The following PROS1 variants were observed in gnomAD, a reference collection of about 807,000 sequenced individuals.
The protein encoded by PROS1 is protein S.
In PROS1, 29 loss-of-function variants were observed where a neutral mutation model predicts 75.9. That is an observed-to-expected ratio of 0.38 (90% CI 0.28 to 0.52). The LOEUF is 0.52. Ranked by LOEUF, PROS1 falls within the 20% of genes least tolerant of loss-of-function variation. The pLI is 0.83. For synonymous variants in PROS1, 245 were observed against 280.6 expected, an observed-to-expected ratio of 0.87 and a Z score of 1.27; for missense variants, 680 against 810.3, an observed-to-expected ratio of 0.84 and a Z score of 1.95.
intron 2 of PROS1, among the ~76,000 whole-genome samples, chr3:93,925,579 T>A (rs1392862793): frequency 6.6e-6 from 1 of 152,100 alleles, no homozygotes; most frequent in Non-Finnish European, 1.5e-5. Flanking sequence ...TGGTCACACG[T>A]GTAATCCTAG....
intron 1 of PROS1, among the ~76,000 whole-genome samples, chr3:93,959,177 T>C (rs1035054304): frequency 6.6e-6 from 1 of 152,068 alleles, no homozygotes; most frequent in African/African-American, 2.4e-5. Flanking sequence ...TAGCTGGGCA[T>C]GGTAGCTCAA....
chr3:93,950,205 C>T (rs377333262), intron 1 of PROS1, among the ~76,000 whole-genome samples: 1 of 152,118 alleles, frequency 6.6e-6, no homozygotes, highest in Non-Finnish European at 1.5e-5. Context: ...TGGGTGGAGC[C>T]CATGGCAGAT....
intron 1 of PROS1, among the ~76,000 whole-genome samples, chr3:93,939,090 A>G (rs1393579291): frequency 6.6e-6 from 1 of 152,058 alleles, no homozygotes; most frequent in Non-Finnish European, 1.5e-5. Flanking sequence ...CTCACACCTG[A>G]TCTAAAACCT....
intron 3 of PROS1, among the ~76,000 whole-genome samples, 166 bp downstream of exon 3, chr3:93,924,074 A>G (rs1708982844): frequency 6.6e-6 from 1 of 152,234 alleles, no homozygotes; most frequent in African/African-American, 2.4e-5. Flanking sequence ...AAATTTCTCA[A>G]CATGTGTTAA....
chr3:93,956,187 G>A (rs1709595443), intron 1 of PROS1, among the ~76,000 whole-genome samples: 1 of 151,902 alleles, frequency 6.6e-6, no homozygotes, highest in South Asian at 2.1e-4. Flanking sequence ...ATCTTTTATT[G>A]GTATCTTTCA....
chr3:93,971,857 C>G lies in PROS1; in HGVS notation c.76+1817G>C, dbSNP rs188477984. Among the ~76,000 whole-genome samples, 6 of 152,196 alleles carry G rather than the reference C, an allele frequency of 3.9e-5. No individual in the cohort carries two copies. The East Asian group carries it at 1.2e-3, about 29-fold the overall frequency. On this transcript the variant is annotated intron_variant, in intron 1 of 14. Coordinates refer to ENST00000394236, the MANE Select transcript of PROS1 (RefSeq NM_000313.4). ...ATCAAATCATATGGATTAAAAACATCACATCTATATCCAAATTTCCTCATA... is the reference window on the plus strand; with the variant it reads ...ATCAAATCATATGGATTAAAAACATGACATCTATATCCAAATTTCCTCATA...
intron 1 of PROS1, among the ~76,000 whole-genome samples, chr3:93,956,563 A>ACACACACTCAC (rs57080075): frequency 7.8e-6 from 1 of 128,306 alleles, no homozygotes; most frequent in South Asian, 2.6e-4. Flanking sequence ...CACACACACA[A>ACACACACTCAC]ACACACACAC....
intron 12 of PROS1, among the ~76,000 whole-genome samples, chr3:93,881,787 T>C (rs1349844808): frequency 6.6e-6 from 1 of 152,126 alleles, no homozygotes; most frequent in Non-Finnish European, 1.5e-5. Context: ...CTTGAACTCT[T>C]GGGCTCTAGC....
chr3:93,936,800 T>C (rs549161628), intron 1 of PROS1, among the ~76,000 whole-genome samples: 5 of 152,344 alleles, frequency 3.3e-5, no homozygotes, highest in African/African-American at 1.2e-4. Context: ...GTGATGCTTA[T>C]GGTTAATGAT....
chr3:93,965,703 A>G (rs919200001), intron 1 of PROS1, among the ~76,000 whole-genome samples: 1 of 151,726 alleles, frequency 6.6e-6, no homozygotes, highest in African/African-American at 2.4e-5. Flanking sequence ...TTTCTTTTCT[A>G]TTTTTATTTT....
At chr3:93,914,241 A>G (rs1708805576) in intron 3 of PROS1, among the ~76,000 whole-genome samples, 2 of 152,178 alleles carry the variant, frequency 1.3e-5, no homozygotes, top group Non-Finnish European at 2.9e-5. Flanking sequence ...GGGGCTCACT[A>G]TAGTGGCTCT....
intron 14 of PROS1, among the ~76,000 whole-genome samples, chr3:93,874,798 G>C (rs1274079585): frequency 1.3e-5 from 2 of 151,902 alleles, no homozygotes; most frequent in Non-Finnish European, 2.9e-5. Flanking sequence ...ATAGCTACTT[G>C]GGAATCTCTT....
chr3:93,898,047 C>A (rs1368036857), intron 8 of PROS1, among the ~76,000 whole-genome samples: 1 of 152,016 alleles, frequency 6.6e-6, no homozygotes, highest in East Asian at 1.9e-4. Context: ...AAGGCATGAT[C>A]AAACTAGTCA....
chr3:93,958,087 C>CA (rs911808791), intron 1 of PROS1, among the ~76,000 whole-genome samples: 10 of 151,374 alleles, frequency 6.6e-5, no homozygotes, highest in Middle Eastern at 6.8e-3. Flanking sequence ...GAATCCATCT[C>CA]AAAAAAATAA....
At chr3:93,922,862 C>A (rs1708961951) in intron 3 of PROS1, among the ~76,000 whole-genome samples, 1 of 151,948 alleles carries the variant, frequency 6.6e-6, no homozygotes, top group African/African-American at 2.4e-5. Context: ...TAAAAAAAAT[C>A]ATAATAAAAA....
intron 1 of PROS1, among the ~76,000 whole-genome samples, chr3:93,961,370 T>C (rs1709703434): frequency 6.6e-6 from 1 of 152,182 alleles, no homozygotes; most frequent in African/African-American, 2.4e-5. Flanking sequence ...GCTTTTAAAA[T>C]TGATTTTATA....
intron 1 of PROS1, among the ~76,000 whole-genome samples, chr3:93,929,190 G>T (rs940291760): frequency 1.3e-5 from 2 of 152,108 alleles, no homozygotes; most frequent in African/African-American, 4.8e-5. Flanking sequence ...ATCAAGAGGG[G>T]CACAGGATCA....
Position 93,927,403 on chromosome 3 carries a change from C to A in PROS1, c.81G>T (p.Leu27Phe). 6.2e-7 allele frequency: 1 copy of A among 1,613,922 alleles called. No individual in the cohort carries two copies. Among genetic ancestry groups the A allele is most frequent in the Non-Finnish European group, 8.5e-7 (1 of 1,179,964 alleles). ...LVLPVSEANFLSKQQASQVLV... is the reference protein window; with the variant it reads ...LVLPVSEANFFSKQQASQVLV... ...GGACTTGTGAAGCCTGTTGCTTTGA[C>A]AAAACTGAAGGAAACAATCAGTTTA... Residue 27 changes from leucine (L) to phenylalanine (F), a missense_variant, in exon 2 of 15, where the codon TTG (leucine) becomes TTT (phenylalanine). Physicochemically the swap from Leu to Phe is conservative, Grantham distance 22 (BLOSUM62 0). Transcript: ENST00000394236.
intron 2 of PROS1, among the ~76,000 whole-genome samples, chr3:93,926,173 T>C (rs1187769460): frequency 1.3e-5 from 2 of 151,984 alleles, no homozygotes; most frequent in Admixed American, 6.6e-5. Flanking sequence ...GGGAAAAAAA[T>C]AGGTAAAACA....
Sources: gnomAD v4.1 joint callset for allele counts (sites outside exome capture counted in the v4.1 genomes callset) on GRCh38, gnomAD v4.1.1 for gene constraint, MANE v1.5 for transcripts, NCBI Gene and HGNC (gene_info 2026-07-23, HGNC 2026-07-21) for gene names.